Variants in ZNF786 observed in about 807,000 individuals in gnomAD.
ZNF786 encodes zinc finger protein 786.
A neutral mutation model predicts 63.1 loss-of-function variants in ZNF786; 56 were observed. The ratio of observed to expected loss-of-function variants is 0.89; its 90% CI spans 0.72 to 1.11. The LOEUF (loss-of-function observed/expected upper bound fraction) is 1.11, where lower values mean the gene tolerates loss of function less well. Ranked by LOEUF, ZNF786 falls within the 50% of genes least tolerant of loss-of-function variation. The pLI is 0.00. For missense variants in ZNF786, 1,213 were observed against 1,041.8 expected, an observed-to-expected ratio of 1.16 and a Z score of -2.26; for synonymous variants, 485 against 406.9, an observed-to-expected ratio of 1.19 and a Z score of -2.31.
At chr7:149,074,219 C>T (rs890050939) in intron 3 of ZNF786, among the ~76,000 whole-genome samples, 167 bp downstream of exon 3, 1 of 152,050 alleles carries the variant, frequency 6.6e-6, no homozygotes, top group Non-Finnish European at 1.5e-5. Context: ...AAGATCCAGA[C>T]ACAGACTCTA....
At chr7:149,078,033 T>C in intron 2 of ZNF786, among the ~76,000 whole-genome samples, 1 of 151,676 alleles carries the variant, frequency 6.6e-6, no homozygotes, top group Non-Finnish European at 1.5e-5. Context: ...CAGCTAATTT[T>C]TGTATTTTTA....
chr7:149,071,174 C>G lies in ZNF786; in HGVS notation c.1598G>C (p.Gly533Ala). 6.2e-7 allele frequency: 1 copy of G among 1,612,412 alleles called. No homozygotes were observed. Among genetic ancestry groups the G allele is most frequent in the Non-Finnish European group, 8.5e-7 (1 of 1,179,316 alleles). The part of the protein sequence containing the change: ...KLREHLRVHS[G>A]ERPFQCLKCD... Reference sequence around the variant, plus strand: ...CTTCAGGCACTGGAAGGGCCTCTCCCCGCTGTGCACTCTCAGGTGCTCACG... The same window carrying G: ...CTTCAGGCACTGGAAGGGCCTCTCCGCGCTGTGCACTCTCAGGTGCTCACG... The change falls in exon 4 of 4, where the codon GGG becomes GCG. Residue 533 changes from glycine (G) to alanine (A), a missense_variant. Coordinates refer to ENST00000491431, the MANE Select transcript of ZNF786 (RefSeq NM_152411.4).
intron 1 of ZNF786, chr7:149,082,488 A>G: frequency 1.1e-6 from 1 of 883,520 alleles, no homozygotes; most frequent in Non-Finnish European, 1.4e-6. Flanking sequence ...CACTCTAATT[A>G]CATAAGCATA....
chr7:149,076,128 T>A (rs1825543930), intron 2 of ZNF786, among the ~76,000 whole-genome samples: 1 of 152,050 alleles, frequency 6.6e-6, no homozygotes, highest in African/African-American at 2.4e-5. Flanking sequence ...TTGTTTTGTT[T>A]TTTTTGACAA....
intron 2 of ZNF786, among the ~76,000 whole-genome samples, chr7:149,076,342 C>T (rs1825548705): frequency 6.6e-6 from 1 of 150,902 alleles, no homozygotes; most frequent in Non-Finnish European, 1.5e-5. Context: ...CTCGATCTCC[C>T]GACCTCAGGT....
At chr7:149,081,164 G>T (rs921967802) in intron 1 of ZNF786, 1 of 456,236 alleles carries the variant, frequency 2.2e-6, no homozygotes, top group African/African-American at 2.0e-5. Flanking sequence ...TCAGCCAGGC[G>T]CAGTGGGTCA....
At chr7:149,074,290 ACCT>A in intron 3 of ZNF786, 93 bp downstream of exon 3, 1 of 1,443,958 alleles carries the variant, frequency 6.9e-7, no homozygotes, top group Non-Finnish European at 9.5e-7. Flanking sequence ...GAGTCTTCAA[ACCT>A]CAGCTTGCCC....
chr7:149,070,825 G>C lies in ZNF786; in HGVS notation c.1947C>G (p.Phe649Leu). 2 of 1,613,718 alleles carry C rather than the reference G, an allele frequency of 1.2e-6. No individual in the cohort carries two copies. The highest frequency in any genetic ancestry group is 1.7e-6 in the Non-Finnish European group (2 of 1,179,894). The change falls in exon 4 of 4, where the codon TTC becomes TTG. Residue 649 changes from phenylalanine to leucine, a missense_variant. Physicochemically the swap from Phe to Leu is conservative, Grantham distance 22. Coordinates refer to ENST00000491431, the MANE Select transcript of ZNF786 (RefSeq NM_152411.4). The part of the protein sequence containing the change: ...HQLLHSGEMP[F>L]SCECGKGFVK... ...CAAAGCCCTTGCCGCACTCACAGGAGAAAGGCATCTCCCCGCTGTGCAGCA... is the reference window on the plus strand; with the variant it reads ...CAAAGCCCTTGCCGCACTCACAGGACAAAGGCATCTCCCCGCTGTGCAGCA...
intron 1 of ZNF786, chr7:149,082,618 G>A (rs1482258008): frequency 3.1e-6 from 1 of 318,470 alleles, no homozygotes; most frequent in Admixed American, 6.6e-5. Context: ...ATCTCGCTCT[G>A]TTGCCAGGCT....
In ZNF786 at chr7:149,070,275, G is replaced by A. The variant is rs971350793; in HGVS notation, c.*148C>T. On this transcript the variant is annotated 3_prime_UTR_variant, in exon 4 of 4. Coordinates refer to ENST00000491431, the MANE Select transcript of ZNF786 (RefSeq NM_152411.4). ...GCTTCTGAAGAGAAAATCCTTTGTG[G>A]TTCTTCATATTCCTAACTTGCATGA... is the stretch of plus-strand genomic sequence containing the variant. 2.0e-6 allele frequency: 2 copies of A among 992,186 alleles called. No homozygotes were observed. The highest frequency in any genetic ancestry group is 3.2e-5 in the African/African-American group (2 of 61,772). The allele number at this position is 992,186 out of a possible 1,614,324, so 61.5% of individuals were successfully genotyped here. A position where few individuals can be genotyped will look rare whatever the true frequency, so the allele number is the denominator to read the frequency against.
intron 1 of ZNF786, among the ~76,000 whole-genome samples, chr7:149,087,242 T>C (rs1563140671): frequency 6.6e-6 from 1 of 152,236 alleles, no homozygotes; most frequent in Non-Finnish European, 1.5e-5. Flanking sequence ...TAAGGAAATA[T>C]AGTCATTTCT....
In ZNF786 at chr7:149,090,660, G is replaced by C. The variant is rs778479329; in HGVS notation, c.-20C>G. 2.8e-5 allele frequency: 44 copies of C among 1,581,890 alleles called. 1 individual carries two copies. The highest frequency in any genetic ancestry group is 5.2e-6 in the Non-Finnish European group (6 of 1,162,990). Reference sequence around the variant, plus strand: ...CGCCATGGTCCCCGCGGTCCCGCCCGGCCCTGGCAAACCCGACCGTCTCCG... The same window carrying C: ...CGCCATGGTCCCCGCGGTCCCGCCCCGCCCTGGCAAACCCGACCGTCTCCG... On this transcript the variant is annotated 5_prime_UTR_variant, in exon 1 of 4. Coordinates refer to ENST00000491431, the MANE Select transcript of ZNF786 (RefSeq NM_152411.4).
At chr7:149,078,900 CAG>C (rs1164718935) in intron 2 of ZNF786, among the ~76,000 whole-genome samples, 1 of 152,066 alleles carries the variant, frequency 6.6e-6, no homozygotes, top group Non-Finnish European at 1.5e-5. Flanking sequence ...AGCTGACCAA[CAG>C]AGGCACAAAA....
In ZNF786 at chr7:149,071,713, G is replaced by C; in HGVS notation, c.1059C>G (p.His353Gln). The C allele has an allele frequency of 1.9e-6, 3 of 1,581,102 alleles. No individual in the cohort carries two copies. Among genetic ancestry groups the C allele is most frequent in the Non-Finnish European group, 2.6e-6 (3 of 1,171,512 alleles). The change falls in exon 4 of 4, where the codon CAC becomes CAG. Residue 353 changes from histidine to glutamine, a missense_variant. His to Gln is a conservative substitution (Grantham distance 24). Coordinates refer to ENST00000491431, the MANE Select transcript of ZNF786 (RefSeq NM_152411.4). ...GCAGCGCCTCCGTGTCCCCTTCCTG[G>C]TGGCTGTTCCCCTCCTGGGGCAGGC... The part of the protein sequence containing the change: ...GSRLPQEGNS[H>Q]QEGDTEALQH...
chr7:149,090,187 A>G (rs944252301), intron 1 of ZNF786, among the ~76,000 whole-genome samples: 1 of 152,216 alleles, frequency 6.6e-6, no homozygotes, highest in African/African-American at 2.4e-5. Flanking sequence ...AAATTCTGAC[A>G]TTGAAGCCCC....
intron 1 of ZNF786, among the ~76,000 whole-genome samples, chr7:149,089,565 C>T (rs1825796654): frequency 6.6e-6 from 1 of 152,104 alleles, no homozygotes; most frequent in South Asian, 2.1e-4. Flanking sequence ...GATCTGCCCA[C>T]CTCGGCCTCT....
At chr7:149,076,338 C>A (rs1234705229) in intron 2 of ZNF786, among the ~76,000 whole-genome samples, 1 of 151,436 alleles carries the variant, frequency 6.6e-6, no homozygotes, top group African/African-American at 2.4e-5. Context: ...TGGTCTCGAT[C>A]TCCCGACCTC....
chr7:149,087,433 C>T (rs1010482298), intron 1 of ZNF786, among the ~76,000 whole-genome samples: 6 of 152,070 alleles, frequency 3.9e-5, no homozygotes, highest in Non-Finnish European at 7.4e-5. Flanking sequence ...TGTGGGGAAG[C>T]GGGGTGGCCT....
chr7:149,082,889 T>A (rs181246028), intron 1 of ZNF786, among the ~76,000 whole-genome samples: 23 of 150,488 alleles, frequency 1.5e-4, no homozygotes, highest in Non-Finnish European at 2.8e-4. Flanking sequence ...AGCCTCTTCA[T>A]CTTTTATTTT....
Sources: allele counts gnomAD v4.1 joint callset (sites outside exome capture counted in the v4.1 genomes callset), GRCh38; gene constraint gnomAD v4.1.1; transcripts MANE v1.5; gene names NCBI Gene and HGNC (gene_info 2026-07-23, HGNC 2026-07-21).